Variants in PPP1CB observed in about 807,000 individuals in gnomAD.
PPP1CB encodes the protein serine/threonine-protein phosphatase PP1-beta catalytic subunit.
PPP1CB carries 2 observed loss-of-function variants against 43.7 expected under a neutral mutation model. The observed-to-expected ratio is 0.05, with a 90% CI of 0.02 to 0.14. PPP1CB has a LOEUF of 0.14. PPP1CB is among the 10% of genes least tolerant of loss of function. PPP1CB has a pLI of 1.00. For synonymous variants in PPP1CB, 136 were observed against 135.6 expected (o/e 1.00, Z -0.02); for missense variants, 84 against 398.0 (o/e 0.21, Z 6.71).
At chr2:28,788,633 A>T (rs1397545843) in intron 5 of PPP1CB, 25 bp from the exon 6 acceptor site, 2 of 1,604,714 alleles carry the variant, frequency 1.2e-6, no homozygotes, top group Non-Finnish European at 8.5e-7. Flanking sequence ...TTTGTTCTTA[A>T]TTGCTGTATT....
intron 1 of PPP1CB, among the ~76,000 whole-genome samples, chr2:28,762,172 C>G (rs894331596): frequency 6.6e-6 from 1 of 152,108 alleles, no homozygotes; most frequent in Non-Finnish European, 1.5e-5. Flanking sequence ...GTATTCCCAG[C>G]TACTTGGGAG....
At chr2:28,768,387 C>T (rs1351913407) in intron 1 of PPP1CB, among the ~76,000 whole-genome samples, 1 of 152,172 alleles carries the variant, frequency 6.6e-6, no homozygotes, top group Non-Finnish European at 1.5e-5. Flanking sequence ...ACCTCAAAAT[C>T]TGCAGTCAGG....
chr2:28,787,854 A>T (rs1156595104), intron 5 of PPP1CB, among the ~76,000 whole-genome samples: 2 of 152,150 alleles, frequency 1.3e-5, no homozygotes, highest in African/African-American at 4.8e-5. Context: ...AGGTGGTCTG[A>T]GTCCCTCTTA....
chr2:28,752,027 G>T lies in PPP1CB; in HGVS notation c.-98G>T. The T allele has an allele frequency of 8.3e-7, 1 of 1,200,624 alleles. No individual in the cohort carries two copies. Among genetic ancestry groups the T allele is most frequent in the Non-Finnish European group, 1.2e-6 (1 of 829,102 alleles). The allele number at this position is 1,200,624 out of a possible 1,614,324, so 74.4% of individuals were successfully genotyped here. ...GTTGGAGCCGGGGTCGAAACGCCGCGTGACTTGTAGGTGAGAGAACGCCGA... is the reference window on the plus strand; with the variant it reads ...GTTGGAGCCGGGGTCGAAACGCCGCTTGACTTGTAGGTGAGAGAACGCCGA... On this transcript the variant is annotated 5_prime_UTR_variant, in exon 1 of 8. Transcript: ENST00000395366.
chr2:28,753,322 A>G (rs992107504), intron 1 of PPP1CB, among the ~76,000 whole-genome samples: 3 of 152,240 alleles, frequency 2.0e-5, no homozygotes, highest in African/African-American at 4.8e-5. Context: ...GAAAATCATC[A>G]AAGAATATTG....
chr2:28,792,341 GAAA>G, intron 6 of PPP1CB, among the ~76,000 whole-genome samples: 1 of 143,162 alleles, frequency 7.0e-6, no homozygotes, highest in Admixed American at 7.0e-5. Flanking sequence ...ACTCCATCTC[GAAA>G]AAAAAAAAGA....
intron 6 of PPP1CB, 69 bp downstream of exon 6, chr2:28,788,878 G>A: frequency 7.1e-7 from 1 of 1,417,794 alleles, no homozygotes; most frequent in Admixed American, 2.5e-5. Context: ...CGGAGGGGCA[G>A]ACAGATTCTT....
chr2:28,754,629 T>C (rs1666440161), intron 1 of PPP1CB, among the ~76,000 whole-genome samples: 1 of 152,222 alleles, frequency 6.6e-6, no homozygotes, highest in South Asian at 2.1e-4. Flanking sequence ...GTTTTTCAGC[T>C]CCTTCCCAGA....
At chr2:28,753,658 G>T (rs574052129) in intron 1 of PPP1CB, among the ~76,000 whole-genome samples, 1 of 152,148 alleles carries the variant, frequency 6.6e-6, no homozygotes, top group Admixed American at 6.5e-5. Flanking sequence ...TGTTTTATGA[G>T]GGAAATACAG....
chr2:28,784,616 A>G (rs1386087961), intron 5 of PPP1CB, among the ~76,000 whole-genome samples: 8 of 152,018 alleles, frequency 5.3e-5, no homozygotes, highest in Admixed American at 3.3e-4. Context: ...TGAAAATTAC[A>G]TTGGAAATCT....
intron 1 of PPP1CB, among the ~76,000 whole-genome samples, chr2:28,773,670 CT>C (rs11342680): frequency 0.68 from 102,809 of 152,008 alleles, 35,000 homozygotes; most frequent in South Asian, 0.75. Flanking sequence ...TGATTTCTTC[CT>C]TTTTTTCAGA....
At chr2:28,752,425 C>T (rs1666333422) in intron 1 of PPP1CB, among the ~76,000 whole-genome samples, 1 of 152,136 alleles carries the variant, frequency 6.6e-6, no homozygotes, top group Admixed American at 6.5e-5. Flanking sequence ...GGGGCCAGGC[C>T]CGCCGGCCGA....
intron 1 of PPP1CB, among the ~76,000 whole-genome samples, chr2:28,752,745 T>G (rs1028364657): frequency 6.6e-6 from 1 of 152,202 alleles, no homozygotes; most frequent in Non-Finnish European, 1.5e-5. Flanking sequence ...AGGATAAAAT[T>G]AGCGGGAATT....
At chr2:28,794,403 T>G (rs1667451824) in intron 7 of PPP1CB, among the ~76,000 whole-genome samples, 1 of 152,102 alleles carries the variant, frequency 6.6e-6, no homozygotes. Flanking sequence ...AGTAAAATAG[T>G]TCCCTGGCTG....
intron 7 of PPP1CB, among the ~76,000 whole-genome samples, chr2:28,798,962 C>A (rs1229222906): frequency 6.6e-6 from 1 of 151,782 alleles, no homozygotes; most frequent in Non-Finnish European, 1.5e-5. Flanking sequence ...AAGTTTTTTA[C>A]TTAAATCTAA....
At chr2:28,793,651 A>C (rs1457853886) in intron 6 of PPP1CB, among the ~76,000 whole-genome samples, 1 of 152,190 alleles carries the variant, frequency 6.6e-6, no homozygotes, top group Non-Finnish European at 1.5e-5. Context: ...TTATTATTCC[A>C]ATTAAGCTAA....
At chr2:28,782,694 T>C (rs1334854591) in intron 4 of PPP1CB, 2 of 152,206 alleles carry the variant, frequency 1.3e-5, no homozygotes, top group East Asian at 1.9e-4. Flanking sequence ...TTATGGAGAT[T>C]TGACTATTGA....
intron 3 of PPP1CB, among the ~76,000 whole-genome samples, chr2:28,780,701 A>C (rs1310936685): frequency 6.6e-6 from 1 of 152,194 alleles, no homozygotes; most frequent in African/African-American, 2.4e-5. Context: ...TGTGGCATAA[A>C]AGCACAGGAA....
At chr2:28,782,327 G>A (rs1014578628) in intron 4 of PPP1CB, among the ~76,000 whole-genome samples, 4 of 152,146 alleles carry the variant, frequency 2.6e-5, no homozygotes, top group Admixed American at 1.3e-4. Flanking sequence ...AAATAAGCTT[G>A]AAGTTTTTTG....
Sources: allele counts gnomAD v4.1 joint callset (sites outside exome capture counted in the v4.1 genomes callset), GRCh38; gene constraint gnomAD v4.1.1; transcripts MANE v1.5; gene names NCBI Gene and HGNC (gene_info 2026-07-23, HGNC 2026-07-21).